Variants in ESRRB observed in about 807,000 individuals in gnomAD.
The protein encoded by ESRRB is steroid hormone receptor ERR2.
Under a neutral mutation model 46.0 loss-of-function variants are expected in ESRRB, and 16 were observed. The ratio of observed to expected loss-of-function variants is 0.35; its 90% CI spans 0.24 to 0.53. The LOEUF is 0.53. Among genes scored for constraint, ESRRB ranks in the 20% least tolerant of loss-of-function variants. The pLI, the probability that ESRRB is intolerant of heterozygous loss-of-function variation, is 0.93. For synonymous variants in ESRRB, 246 were observed against 259.6 expected, an observed-to-expected ratio of 0.95 and a Z score of 0.50; for missense variants, 488 against 607.4, an observed-to-expected ratio of 0.80 and a Z score of 2.07.
At chr14:76,350,312 T>C (rs1884298654) in intron 1 of ESRRB, among the ~76,000 whole-genome samples, 1 of 152,224 alleles carries the variant, frequency 6.6e-6, no homozygotes, top group South Asian at 2.1e-4. Flanking sequence ...CCTTTGATCA[T>C]AGAAAACACT....
chr14:76,379,812 C>T (rs1014632646), intron 1 of ESRRB, among the ~76,000 whole-genome samples: 16 of 130,656 alleles, frequency 1.2e-4, no homozygotes, highest in African/African-American at 4.1e-4. Context: ...ATTTTAGAAA[C>T]AATCCTTTAT....
intron 6 of ESRRB, among the ~76,000 whole-genome samples, chr14:76,497,141 T>C (rs1398049019): frequency 1.3e-5 from 2 of 152,006 alleles, no homozygotes; most frequent in Non-Finnish European, 2.9e-5. Context: ...AGGTACACAC[T>C]CTGTAAGTGG....
At chr14:76,497,518 T>A (rs1459144622) in intron 6 of ESRRB, among the ~76,000 whole-genome samples, 1 of 152,196 alleles carries the variant, frequency 6.6e-6, no homozygotes, top group Non-Finnish European at 1.5e-5. Context: ...GGTCATGGCC[T>A]AAGTTCAAAA....
chr14:76,372,153 T>A (rs1884640464), upstream of ESRRB, among the ~76,000 whole-genome samples: 1 of 152,120 alleles, frequency 6.6e-6, no homozygotes, highest in African/African-American at 2.4e-5. Flanking sequence ...CCCTGAGGAC[T>A]TAGGCAGGCT....
chr14:76,472,303 T>A (rs1460426095), intron 3 of ESRRB, among the ~76,000 whole-genome samples: 1 of 152,154 alleles, frequency 6.6e-6, no homozygotes, highest in African/African-American at 2.4e-5. Flanking sequence ...GGGGACATGG[T>A]GGCATGGTAA....
At chr14:76,432,314 G>A (rs1257493454) in intron 1 of ESRRB, among the ~76,000 whole-genome samples, 3 of 152,356 alleles carry the variant, frequency 2.0e-5, no homozygotes, top group South Asian at 2.1e-4. Flanking sequence ...TAGTAGTGCC[G>A]AGGATGGAAG....
At chr14:76,395,897 G>T (rs554199798) in intron 1 of ESRRB, among the ~76,000 whole-genome samples, 1 of 152,018 alleles carries the variant, frequency 6.6e-6, no homozygotes, top group African/African-American at 2.4e-5. Context: ...GCCTTCAGCC[G>T]GGCATGGTGG....
chr14:76,378,959 T>G (rs1595062287), intron 1 of ESRRB, among the ~76,000 whole-genome samples: 1 of 152,310 alleles, frequency 6.6e-6, no homozygotes, highest in East Asian at 1.9e-4. Context: ...TTGACCCCTG[T>G]GGATTGGCTG....
intron 2 of ESRRB, among the ~76,000 whole-genome samples, chr14:76,456,048 A>G (rs1165048809): frequency 1.4e-5 from 2 of 145,260 alleles, no homozygotes; most frequent in Admixed American, 7.0e-5. Context: ...GCACACACAC[A>G]CACACACACA....
chr14:76,496,163 TTGTGTTTCTGTTGGGCTC>T (rs1212177201), intron 6 of ESRRB, among the ~76,000 whole-genome samples: 2 of 152,188 alleles, frequency 1.3e-5, no homozygotes, highest in Non-Finnish European at 2.9e-5. Flanking sequence ...TCCTAGCTCA[TTGTGTTTCTGTTGGGCTC>T]TGTGGGGTAT....
chr14:76,383,501 G>A (rs1885098357), intron 1 of ESRRB, among the ~76,000 whole-genome samples: 2 of 152,054 alleles, frequency 1.3e-5, no homozygotes, highest in Admixed American at 6.5e-5. Flanking sequence ...GGATGGAAGG[G>A]GTGAAGAAGC....
At chr14:76,337,345 T>C (rs7157009) in intron 1 of ESRRB, among the ~76,000 whole-genome samples, 1 of 152,006 alleles carries the variant, frequency 6.6e-6, no homozygotes, top group Admixed American at 6.6e-5. Flanking sequence ...GCCGTGGGTG[T>C]TGCAGGATGC....
intron 1 of ESRRB, among the ~76,000 whole-genome samples, chr14:76,320,880 C>G (rs1883858915): frequency 6.6e-6 from 1 of 152,166 alleles, no homozygotes; most frequent in African/African-American, 2.4e-5. Flanking sequence ...TTACTTCTCT[C>G]CATGCCCATT....
intron 1 of ESRRB, among the ~76,000 whole-genome samples, chr14:76,417,944 CTTT>C (rs869242837): frequency 8.8e-5 from 8 of 91,340 alleles, no homozygotes; most frequent in South Asian, 8.1e-4. Flanking sequence ...CTTTTACATA[CTTT>C]TTTTTTTTTT....
intron 5 of ESRRB, among the ~76,000 whole-genome samples, chr14:76,485,216 A>T (rs1889959318): frequency 6.6e-6 from 1 of 150,700 alleles, no homozygotes; most frequent in African/African-American, 2.4e-5. Flanking sequence ...AAGGGCAATG[A>T]CACAATCAAA....
intron 2 of ESRRB, among the ~76,000 whole-genome samples, chr14:76,455,084 G>A (rs1888550546): frequency 6.6e-6 from 1 of 152,052 alleles, no homozygotes; most frequent in Non-Finnish European, 1.5e-5. Flanking sequence ...AGGTGTGGTG[G>A]CGGGTGCCTG....
At chr14:76,435,880 G>A (rs1321794059) in intron 1 of ESRRB, among the ~76,000 whole-genome samples, 2 of 152,136 alleles carry the variant, frequency 1.3e-5, no homozygotes, top group East Asian at 1.9e-4. Context: ...GAAAGCTGGA[G>A]GACTAAAATT....
intron 1 of ESRRB, among the ~76,000 whole-genome samples, chr14:76,408,442 G>T (rs1195220859): frequency 6.6e-6 from 1 of 151,790 alleles, no homozygotes; most frequent in Non-Finnish European, 1.5e-5. Context: ...TTAACCAGGT[G>T]CAGGTGCATG....
chr14:76,391,575 G>A (rs755698582), intron 1 of ESRRB, among the ~76,000 whole-genome samples: 5 of 152,250 alleles, frequency 3.3e-5, no homozygotes, highest in African/African-American at 4.8e-5. Context: ...AGAAGGCAGC[G>A]TTGAGAGTGA....
Sources: gnomAD v4.1 joint callset for allele counts (sites outside exome capture counted in the v4.1 genomes callset) on GRCh38, gnomAD v4.1.1 for gene constraint, MANE v1.5 for transcripts, NCBI Gene and HGNC (gene_info 2026-07-23, HGNC 2026-07-21) for gene names.